G3BP2: variants seen among roughly 807,000 people sequenced by gnomAD.
G3BP2 encodes the protein ras GTPase-activating protein-binding protein 2.
G3BP2 carries 11 observed loss-of-function variants against 56.7 expected under a neutral mutation model. The ratio of observed to expected loss-of-function variants is 0.19; its 90% confidence interval spans 0.12 to 0.32. The LOEUF (loss-of-function observed/expected upper bound fraction) is 0.32. Ranked by LOEUF, G3BP2 falls within the 10% of genes least tolerant of loss-of-function variation. The pLI is 1.00. For synonymous variants in G3BP2, 165 were observed against 191.6 expected, an observed-to-expected ratio of 0.86 and a Z score of 1.15; for missense variants, 340 against 610.9, an observed-to-expected ratio of 0.56 and a Z score of 4.67.
At chr4:75,717,917 G>A (rs1320856259) in intron 3 of G3BP2, among the ~76,000 whole-genome samples, 1 of 152,002 alleles carries the variant, frequency 6.6e-6, no homozygotes, top group Non-Finnish European at 1.5e-5. Context: ...GAGGCGGGTG[G>A]GTCACGAGGT....
upstream of G3BP2, among the ~76,000 whole-genome samples, chr4:75,675,049 T>C (rs191750826): frequency 6.6e-6 from 1 of 152,186 alleles, no homozygotes; most frequent in Non-Finnish European, 1.5e-5. Context: ...ATGCCCATTT[T>C]ATAGATGAGA....
rs576026021 is a variant in G3BP2, at chr4:75,648,754, GA to G, written c.826-14del. The G allele has an allele frequency of 4.4e-5, 66 of 1,495,796 alleles. No homozygotes were observed. The highest frequency in any genetic ancestry group is 8.4e-5 in the African/African-American group (6 of 71,038). The allele number at this position is 1,495,796 out of a possible 1,614,324, so 92.7% of individuals were successfully genotyped here. On this transcript the variant is annotated splice_polypyrimidine_tract_variant and intron_variant, in intron 8 of 11. Coordinates refer to ENST00000359707, the MANE Select transcript of G3BP2 (RefSeq NM_203505.3). ...CTTCGACTCTTGGCTAAAATATAAA[GA>G]AAAAAAAACATTATAAAAAACACTC...
At chr4:75,665,505 G>A (rs1732937886) in intron 1 of G3BP2, among the ~76,000 whole-genome samples, 1 of 152,106 alleles carries the variant, frequency 6.6e-6, no homozygotes, top group Non-Finnish European at 1.5e-5. Flanking sequence ...CAGCACTTTG[G>A]GACGTCGAAG....
At chr4:75,679,839 G>A (rs943894751) in intron 3 of G3BP2, among the ~76,000 whole-genome samples, 1 of 152,150 alleles carries the variant, frequency 6.6e-6, no homozygotes, top group Non-Finnish European at 1.5e-5. Flanking sequence ...AGCACCTCAG[G>A]CTGAGTAAAT....
At chr4:75,651,016 A>T (rs1014637334) in intron 8 of G3BP2, among the ~76,000 whole-genome samples, 3 of 152,234 alleles carry the variant, frequency 2.0e-5, no homozygotes, top group Non-Finnish European at 2.9e-5. Context: ...TCTGACAAAG[A>T]TACGTAAGTG....
At chr4:75,658,788 T>A (rs536303015) in intron 3 of G3BP2, 55 bp downstream of exon 3, 14 of 1,087,006 alleles carry the variant, frequency 1.3e-5, no homozygotes, top group Admixed American at 1.8e-5. Flanking sequence ...GGCTATTTTT[T>A]AAAATCTCCA....
In G3BP2 at chr4:75,673,246, T is replaced by C. The variant is rs903361252; in HGVS notation, c.-63A>G. ...CGGCGGCGGGTACGTCGCGCGGAGGTCAGAAGAGTCGCTGAGGACCGGGTG... is the reference window on the plus strand; with the variant it reads ...CGGCGGCGGGTACGTCGCGCGGAGGCCAGAAGAGTCGCTGAGGACCGGGTG... On this transcript the variant is annotated 5_prime_UTR_variant, in exon 1 of 12. Coordinates refer to ENST00000359707, the MANE Select transcript of G3BP2 (RefSeq NM_203505.3). 1 of 1,219,852 alleles carries C rather than the reference T, an allele frequency of 8.2e-7. No individual in the cohort carries two copies. The highest frequency in any genetic ancestry group is 1.6e-5 in the African/African-American group (1 of 63,984). The allele number at this position is 1,219,852 out of a possible 1,614,324, so 75.6% of individuals were successfully genotyped here.
intron 3 of G3BP2, among the ~76,000 whole-genome samples, chr4:75,720,241 G>A (rs1310764052): frequency 5.3e-5 from 8 of 152,036 alleles, no homozygotes; most frequent in Non-Finnish European, 1.0e-4. Context: ...GGCGCCGGGC[G>A]CGGTGGCTCA....
intron 3 of G3BP2, among the ~76,000 whole-genome samples, chr4:75,717,245 G>C (rs1719964232): frequency 6.6e-6 from 1 of 151,990 alleles, no homozygotes; most frequent in Non-Finnish European, 1.5e-5. Context: ...AGAGCAGCCT[G>C]GGCAAGACGG....
At chr4:75,715,914 C>G (rs1041817463) in intron 3 of G3BP2, among the ~76,000 whole-genome samples, 4 of 152,144 alleles carry the variant, frequency 2.6e-5, no homozygotes, top group African/African-American at 9.7e-5. Flanking sequence ...TTCTCTGACC[C>G]AGATACTAGA....
At chr4:75,650,942 G>C (rs1226127411) in intron 8 of G3BP2, among the ~76,000 whole-genome samples, 2 of 152,146 alleles carry the variant, frequency 1.3e-5, no homozygotes, top group East Asian at 1.9e-4. Flanking sequence ...GTAACTATTT[G>C]TTCATTTAAA....
chr4:75,699,964 A>C (rs1485360680), intron 3 of G3BP2, among the ~76,000 whole-genome samples: 3 of 152,122 alleles, frequency 2.0e-5, no homozygotes, highest in African/African-American at 7.2e-5. Context: ...AGTTCTAATC[A>C]TCGCAAATGT....
At position 75,673,278 on chromosome 4, in the gene G3BP2, G is replaced by C; in HGVS notation, c.-95C>G. On this transcript the variant is annotated 5_prime_UTR_variant, in exon 1 of 12. Coordinates refer to ENST00000359707, the MANE Select transcript of G3BP2 (RefSeq NM_203505.3). Reference sequence around the variant, plus strand: ...AGTCGCTGAGGACCGGGTGCGGCGGGTTCTTATTGCTCGCCGCCCCCTTCC... The same window carrying C: ...AGTCGCTGAGGACCGGGTGCGGCGGCTTCTTATTGCTCGCCGCCCCCTTCC... 1 of 1,227,312 alleles carries C rather than the reference G, an allele frequency of 8.1e-7. No individual in the cohort carries two copies. Among genetic ancestry groups the C allele is most frequent in the Non-Finnish European group, 1.0e-6 (1 of 985,440 alleles). The allele number at this position is 1,227,312 out of a possible 1,614,324, so 76.0% of individuals were successfully genotyped here.
At chr4:75,665,245 TC>T (rs1438231163) in intron 1 of G3BP2, among the ~76,000 whole-genome samples, 29 of 152,164 alleles carry the variant, frequency 1.9e-4, no homozygotes. Context: ...CCTCTAACTG[TC>T]CTTCTTAAAC....
At chr4:75,655,895 CTT>C (rs1732061100) in intron 5 of G3BP2, 25 bp from the exon 6 acceptor site, 1 of 1,166,430 alleles carries the variant, frequency 8.6e-7, no homozygotes, top group Admixed American at 1.7e-5. Flanking sequence ...TACAGCACAT[CTT>C]TTTTAAAGAG....
At chr4:75,718,039 T>A (rs1719994882) in intron 3 of G3BP2, among the ~76,000 whole-genome samples, 1 of 151,718 alleles carries the variant, frequency 6.6e-6, no homozygotes, top group Non-Finnish European at 1.5e-5. Context: ...CTTGGGAGGC[T>A]GAGGCAGAAT....
chr4:75,702,163 A>AC (rs1227615689), intron 3 of G3BP2, among the ~76,000 whole-genome samples: 1 of 122,608 alleles, frequency 8.2e-6, no homozygotes, highest in Non-Finnish European at 1.7e-5. Context: ...TGGTATATAA[A>AC]CCCCCCAATT....
chr4:75,674,704 ATATATATATATATATTTTTTT>A (rs1733771556), upstream of G3BP2, among the ~76,000 whole-genome samples: 2 of 42,032 alleles, frequency 4.8e-5, no homozygotes, highest in African/African-American at 8.5e-5. Context: ...ACATATATAT[ATATATATATATATATTTTTTT>A]TTTTTTTTTT....
At chr4:75,719,834 C>T (rs1720084552) in intron 3 of G3BP2, among the ~76,000 whole-genome samples, 2 of 151,986 alleles carry the variant, frequency 1.3e-5, no homozygotes, top group Admixed American at 1.3e-4. Flanking sequence ...GGTGATCCAC[C>T]CGCCTCGGCC....
Sources: gnomAD v4.1 joint callset for allele counts (sites outside exome capture counted in the v4.1 genomes callset) on GRCh38, gnomAD v4.1.1 for gene constraint, MANE v1.5 for transcripts, NCBI Gene and HGNC (gene_info 2026-07-23, HGNC 2026-07-21) for gene names.